Variants in DCLK1 observed in about 807,000 individuals in gnomAD.
DCLK1 encodes the protein doublecortin like kinase 1, also known as serine/threonine-protein kinase DCLK1.
In DCLK1, 16 loss-of-function variants were observed where a neutral mutation model predicts 86.2. The observed-to-expected ratio is 0.19, with a 90% CI of 0.13 to 0.28. The LOEUF (loss-of-function observed/expected upper bound fraction) is 0.28. Ranked by LOEUF, DCLK1 falls within the 10% of genes least tolerant of loss-of-function variation. The pLI, the probability that DCLK1 is intolerant of heterozygous loss-of-function variation, is 1.00. For synonymous variants in DCLK1, 369 were observed against 370.5 expected, an observed-to-expected ratio of 1.00 and a Z score of 0.05; for missense variants, 590 against 940.2, an observed-to-expected ratio of 0.63 and a Z score of 4.87.
chr13:35,809,819 A>G (rs1407967693), intron 12 of DCLK1, among the ~76,000 whole-genome samples: 2 of 152,182 alleles, frequency 1.3e-5, no homozygotes, highest in East Asian at 1.9e-4. Flanking sequence ...CGCCTCAGGA[A>G]TTTCCCTATT....
At chr13:35,844,227 T>C (rs1333974764) in intron 6 of DCLK1, among the ~76,000 whole-genome samples, 2 of 152,216 alleles carry the variant, frequency 1.3e-5, no homozygotes, top group Non-Finnish European at 2.9e-5. Flanking sequence ...TAAAATGTTA[T>C]CATAAAGATT....
chr13:35,920,586 C>A (rs111959481), intron 4 of DCLK1, among the ~76,000 whole-genome samples: 1 of 152,046 alleles, frequency 6.6e-6, no homozygotes, highest in African/African-American at 2.4e-5. Flanking sequence ...ATGAGTGTTA[C>A]GGATGGGGCC....
chr13:36,038,720 C>T (rs1455439166), intron 3 of DCLK1, among the ~76,000 whole-genome samples: 1 of 152,140 alleles, frequency 6.6e-6, no homozygotes, highest in Non-Finnish European at 1.5e-5. Flanking sequence ...TTTTACTAAG[C>T]GCTATGACAA....
intron 3 of DCLK1, among the ~76,000 whole-genome samples, chr13:36,063,899 G>A (rs1393876736): frequency 6.6e-6 from 1 of 152,116 alleles, no homozygotes; most frequent in Non-Finnish European, 1.5e-5. Flanking sequence ...AATTAATGAT[G>A]AGTTGGGATT....
chr13:36,115,898 A>T (rs1022791267), intron 2 of DCLK1, among the ~76,000 whole-genome samples: 1 of 149,512 alleles, frequency 6.7e-6, no homozygotes, highest in Non-Finnish European at 1.5e-5. Context: ...TATTTTTAAG[A>T]TACTGAAGAG....
intron 5 of DCLK1, among the ~76,000 whole-genome samples, chr13:35,863,417 A>T (rs530001030): frequency 1.4e-4 from 22 of 152,296 alleles, no homozygotes; most frequent in African/African-American, 5.3e-4. Context: ...CAAGCAGTTG[A>T]TGTAGGTTGC....
chr13:36,003,028 A>G (rs530266754), intron 3 of DCLK1, among the ~76,000 whole-genome samples: 1 of 152,284 alleles, frequency 6.6e-6, no homozygotes, highest in African/African-American at 2.4e-5. Flanking sequence ...AGGCAGATCT[A>G]GCAGTGTGTC....
intron 8 of DCLK1, among the ~76,000 whole-genome samples, chr13:35,834,801 G>A (rs1869235714): frequency 6.6e-6 from 1 of 152,216 alleles, no homozygotes; most frequent in Non-Finnish European, 1.5e-5. Flanking sequence ...TGGATGCACA[G>A]TGGCTGCTCA....
intron 4 of DCLK1, among the ~76,000 whole-genome samples, chr13:35,889,427 C>T (rs1264471607): frequency 6.6e-6 from 1 of 152,130 alleles, no homozygotes; most frequent in African/African-American, 2.4e-5. Context: ...GCTCTCCCTG[C>T]TGTGTCACAC....
intron 3 of DCLK1, among the ~76,000 whole-genome samples, chr13:36,032,180 C>T (rs1187741080): frequency 2.0e-5 from 3 of 147,400 alleles, no homozygotes; most frequent in African/African-American, 5.0e-5. Context: ...CTTGCTCTGT[C>T]GCCTAGGCAG....
intron 5 of DCLK1, among the ~76,000 whole-genome samples, chr13:35,870,574 C>T (rs778295562): frequency 2.0e-5 from 3 of 152,178 alleles, no homozygotes; most frequent in Non-Finnish European, 2.9e-5. Context: ...AAATAATTCC[C>T]TTTAATAACA....
At chr13:35,920,727 G>A (rs532047945) in intron 4 of DCLK1, among the ~76,000 whole-genome samples, 190 of 152,208 alleles carry the variant, frequency 1.2e-3, no homozygotes, top group Non-Finnish European at 2.4e-3. Context: ...AGAAGGAACC[G>A]GGGTGGGAGG....
chr13:35,897,828 G>T (rs1363202236), intron 4 of DCLK1, among the ~76,000 whole-genome samples: 1 of 152,172 alleles, frequency 6.6e-6, no homozygotes, highest in African/African-American at 2.4e-5. Context: ...ATAAAGGAGA[G>T]TGTCACTGAT....
chr13:36,016,012 G>T, intron 3 of DCLK1, among the ~76,000 whole-genome samples: 1 of 152,064 alleles, frequency 6.6e-6, no homozygotes, highest in South Asian at 2.1e-4. Flanking sequence ...TATTTATTTG[G>T]GTAATAACTA....
At chr13:36,034,194 G>A (rs996040639) in intron 3 of DCLK1, among the ~76,000 whole-genome samples, 10 of 152,074 alleles carry the variant, frequency 6.6e-5, no homozygotes, top group East Asian at 3.9e-4. Flanking sequence ...AAGAAGTATC[G>A]TGTATATTAA....
chr13:35,902,387 CT>C (rs1874419042), intron 4 of DCLK1, among the ~76,000 whole-genome samples: 1 of 152,182 alleles, frequency 6.6e-6, no homozygotes, highest in Non-Finnish European at 1.5e-5. Flanking sequence ...CCTCAGAATC[CT>C]TCCAAACACA....
At chr13:35,778,599 A>G (rs1289194320) in intron 16 of DCLK1, among the ~76,000 whole-genome samples, 10 of 152,162 alleles carry the variant, frequency 6.6e-5, no homozygotes, top group African/African-American at 1.9e-4. Flanking sequence ...GACCCCATCA[A>G]TAGGACATGG....
chr13:35,842,034 G>C (rs1297349032), intron 6 of DCLK1, among the ~76,000 whole-genome samples: 1 of 151,368 alleles, frequency 6.6e-6, no homozygotes. Context: ...TCATTAATGG[G>C]AGGCAAAATA....
rs536412012 is a variant in DCLK1 at position 35,962,961 on chromosome 13, G to A, written c.724-15504C>T. On this transcript the variant is annotated intron_variant, in intron 3 of 16. Coordinates refer to ENST00000360631, the MANE Select transcript of DCLK1 (RefSeq NM_001330071.2). Reference sequence around the variant, plus strand: ...AGTTGTTTACATTATATATTCAGAAGAGTGAACTAAGAATAGGAAAGCTTT... The same window carrying A: ...AGTTGTTTACATTATATATTCAGAAAAGTGAACTAAGAATAGGAAAGCTTT... Among the ~76,000 whole-genome samples the A allele has an allele frequency of 4.4e-4, 67 of 152,302 alleles. No individual in the cohort carries two copies. The South Asian group carries it at 8.1e-3, about 18-fold the overall frequency.
Sources: gnomAD v4.1 joint callset for allele counts (sites outside exome capture counted in the v4.1 genomes callset) on GRCh38, gnomAD v4.1.1 for gene constraint, MANE v1.5 for transcripts, NCBI Gene and HGNC (gene_info 2026-07-23, HGNC 2026-07-21) for gene names.